DLG2: variants seen among roughly 807,000 people sequenced by gnomAD.
DLG2 encodes discs large MAGUK scaffold protein 2.
DLG2 carries 45 observed loss-of-function variants against 132.5 expected under a neutral mutation model. The ratio of observed to expected loss-of-function variants is 0.34; its 90% confidence interval spans 0.27 to 0.44. The LOEUF (loss-of-function observed/expected upper bound fraction) is 0.44, where lower values mean the gene tolerates loss of function less well. Ranked by LOEUF, DLG2 falls within the 20% of genes least tolerant of loss-of-function variation. The probability of loss-of-function intolerance (pLI) is 1.00; values close to 1 mark genes in which losing one functional copy is unlikely to be tolerated. For synonymous variants in DLG2, 424 were observed against 419.6 expected, an observed-to-expected ratio of 1.01 and a Z score of -0.13; for missense variants, 1,045 against 1,196.9, an observed-to-expected ratio of 0.87 and a Z score of 1.87.
intron 3 of DLG2, among the ~76,000 whole-genome samples, chr11:85,437,798 A>C (rs1358439948): frequency 2.0e-5 from 3 of 152,188 alleles, no homozygotes; most frequent in Non-Finnish European, 4.4e-5. Flanking sequence ...AAAGGAAAAA[A>C]GAAAAAATAA....
At chr11:84,716,820 G>C (rs1411223973) in intron 6 of DLG2, among the ~76,000 whole-genome samples, 5 of 151,802 alleles carry the variant, frequency 3.3e-5, no homozygotes, top group Admixed American at 2.0e-4. Context: ...GACTGTAGGT[G>C]ATCTGTATTT....
chr11:85,036,902 A>C (rs183740315), intron 6 of DLG2, among the ~76,000 whole-genome samples: 27 of 152,208 alleles, frequency 1.8e-4, no homozygotes, highest in Admixed American at 1.2e-3. Context: ...GTACTGACAT[A>C]GCTTGAGAGA....
intron 4 of DLG2, among the ~76,000 whole-genome samples, chr11:85,187,195 C>T (rs543441359): frequency 1.2e-4 from 19 of 152,008 alleles, no homozygotes; most frequent in Middle Eastern, 3.4e-3. Flanking sequence ...AGAATAAAAC[C>T]GGCAATTGCT....
chr11:85,317,553 A>C (rs986231781), intron 3 of DLG2, among the ~76,000 whole-genome samples: 1 of 151,962 alleles, frequency 6.6e-6, no homozygotes, highest in African/African-American at 2.4e-5. Flanking sequence ...GAAGCACTAA[A>C]ATAGTGGTAT....
intron 18 of DLG2, among the ~76,000 whole-genome samples, chr11:83,767,171 G>C (rs919146168): frequency 2.0e-5 from 3 of 152,104 alleles, no homozygotes; most frequent in African/African-American, 7.2e-5. Context: ...TTTAGGTATT[G>C]GGATATGGAC....
chr11:84,826,015 G>T (rs567548104), intron 6 of DLG2, among the ~76,000 whole-genome samples: 1 of 151,782 alleles, frequency 6.6e-6, no homozygotes, highest in South Asian at 2.1e-4. Flanking sequence ...GGGGTTTGTT[G>T]TTGTTTTTTG....
At chr11:84,943,886 C>T (rs2049823666) in intron 6 of DLG2, among the ~76,000 whole-genome samples, 1 of 152,070 alleles carries the variant, frequency 6.6e-6, no homozygotes, top group Non-Finnish European at 1.5e-5. Flanking sequence ...CCTTTTCTTT[C>T]AGGCTAAAGA....
intron 9 of DLG2, among the ~76,000 whole-genome samples, chr11:84,112,121 T>G (rs570773668): frequency 6.6e-6 from 1 of 151,978 alleles, no homozygotes; most frequent in Non-Finnish European, 1.5e-5. Context: ...CATGCCATTC[T>G]CCTGTCTCAG....
At chr11:83,626,293 G>A (rs552390637) in intron 19 of DLG2, among the ~76,000 whole-genome samples, 4 of 152,094 alleles carry the variant, frequency 2.6e-5, no homozygotes, top group Non-Finnish European at 5.9e-5. Context: ...GGGGTATCAG[G>A]AAATGAATTA....
chr11:84,283,853 T>C (rs1291916262), intron 7 of DLG2, among the ~76,000 whole-genome samples: 1 of 152,142 alleles, frequency 6.6e-6, no homozygotes, highest in African/African-American at 2.4e-5. Flanking sequence ...TAAAAGCTAA[T>C]TACAATTTCA....
intron 7 of DLG2, among the ~76,000 whole-genome samples, chr11:84,364,177 T>C (rs955653625): frequency 6.6e-6 from 1 of 151,850 alleles, no homozygotes; most frequent in Non-Finnish European, 1.5e-5. Flanking sequence ...GTATCCTCTT[T>C]TATTTCATTG....
At chr11:84,897,847 A>C (rs1446133269) in intron 6 of DLG2, among the ~76,000 whole-genome samples, 2 of 151,870 alleles carry the variant, frequency 1.3e-5, no homozygotes, top group Non-Finnish European at 2.9e-5. Context: ...TGGCCGTGTA[A>C]AAAATATTGG....
At chr11:83,748,614 G>T (rs12287586) in intron 18 of DLG2, among the ~76,000 whole-genome samples, 1 of 152,128 alleles carries the variant, frequency 6.6e-6, no homozygotes, top group South Asian at 2.1e-4. Context: ...ACATGACTCT[G>T]CCTGAGGTAG....
At chr11:83,989,147 G>GA (rs1370801176) in intron 11 of DLG2, among the ~76,000 whole-genome samples, 2 of 152,104 alleles carry the variant, frequency 1.3e-5, no homozygotes, top group African/African-American at 4.8e-5. Context: ...GCAAGGGGCA[G>GA]AAACAGTGAG....
chr11:83,455,956 GATTTC>G lies in DLG2; in HGVS notation c.*3857_*3861del, dbSNP rs2088897383. On this transcript the variant is annotated 3_prime_UTR_variant, in exon 28 of 28. Transcript: ENST00000376104. ...GGCAGGACCAAGACAGGAAAGAAGAGATTTCATTTCACCAGCAAGTCCATTCAGTC... is the reference window on the plus strand; with the variant it reads ...GGCAGGACCAAGACAGGAAAGAAGAGATTTCACCAGCAAGTCCATTCAGTC... 6.6e-6 allele frequency: 1 copy of G among 152,530 alleles called. No homozygotes were observed. Among genetic ancestry groups the G allele is most frequent in the Admixed American group, 6.5e-5 (1 of 15,280 alleles). The allele number at this position is 152,530 out of a possible 1,614,324, so 9.4% of individuals were successfully genotyped here.
At chr11:84,207,751 C>T (rs1235981325) in intron 8 of DLG2, among the ~76,000 whole-genome samples, 2 of 152,084 alleles carry the variant, frequency 1.3e-5, no homozygotes, top group Non-Finnish European at 2.9e-5. Flanking sequence ...TAGAATCCAA[C>T]TCACTAACCA....
At chr11:85,223,788 T>C (rs960253901) in intron 4 of DLG2, among the ~76,000 whole-genome samples, 1 of 152,146 alleles carries the variant, frequency 6.6e-6, no homozygotes, top group South Asian at 2.1e-4. Flanking sequence ...ATGTTTGGAT[T>C]AGGGTAAGGG....
chr11:83,844,281 C>T (rs1316884804), intron 16 of DLG2, among the ~76,000 whole-genome samples: 2 of 147,446 alleles, frequency 1.4e-5, no homozygotes, highest in Admixed American at 1.4e-4. Context: ...GTGGCTCACG[C>T]CTGTAGTAAT....
At chr11:83,681,551 T>C (rs1480019338) in intron 18 of DLG2, among the ~76,000 whole-genome samples, 2 of 152,144 alleles carry the variant, frequency 1.3e-5, no homozygotes, top group African/African-American at 4.8e-5. Flanking sequence ...CTCTCCCACA[T>C]CATCAACAGG....
Sources: gnomAD v4.1 joint callset for allele counts (sites outside exome capture counted in the v4.1 genomes callset) on GRCh38, gnomAD v4.1.1 for gene constraint, MANE v1.5 for transcripts, NCBI Gene and HGNC (gene_info 2026-07-23, HGNC 2026-07-21) for gene names.